The following SLC25A12 variants were observed in gnomAD, a reference collection of about 807,000 sequenced individuals.
The protein encoded by SLC25A12 is solute carrier family 25 member 12, also known as electrogenic aspartate/glutamate antiporter SLC25A12, mitochondrial.
A neutral mutation model predicts 83.3 loss-of-function variants in SLC25A12; 32 were observed. The observed-to-expected ratio is 0.38, with a 90% CI of 0.29 to 0.52. The LOEUF is 0.52. Among genes scored for constraint, SLC25A12 ranks in the 20% least tolerant of loss-of-function variants. SLC25A12 has a pLI of 0.84. For missense variants in SLC25A12, 611 were observed against 835.6 expected (o/e 0.73, Z 3.31); for synonymous variants, 267 against 291.1 (o/e 0.92, Z 0.84).
intron 8 of SLC25A12, among the ~76,000 whole-genome samples, chr2:171,828,068 G>A (rs1684349437): frequency 1.3e-5 from 2 of 152,224 alleles, no homozygotes; most frequent in Admixed American, 6.5e-5. Context: ...AGGTATCCAT[G>A]TGGAAGCACC....
At chr2:171,818,374 T>C (rs1200885972) in intron 9 of SLC25A12, among the ~76,000 whole-genome samples, 2 of 152,014 alleles carry the variant, frequency 1.3e-5, no homozygotes, top group Non-Finnish European at 2.9e-5. Context: ...CTTAAATGAT[T>C]TTTAACCTAC....
chr2:171,812,102 C>G (rs76711056), intron 11 of SLC25A12, among the ~76,000 whole-genome samples: 1 of 152,170 alleles, frequency 6.6e-6, no homozygotes, highest in East Asian at 1.9e-4. Flanking sequence ...GACTACAGTT[C>G]TGAATATTTG....
chr2:171,841,279 C>T lies in SLC25A12; in HGVS notation c.465+3090G>A, dbSNP rs557127123. 2.0e-5 allele frequency among the ~76,000 whole-genome samples: 3 copies of T among 152,226 alleles called. No individual in the cohort carries two copies. The South Asian group carries it at 6.2e-4, about 32-fold the overall frequency. ...ACTTTTAGTAGAGACAGGGTTTCACCATGTTGGCCAGGCTGATCTTGAACT... is the reference window on the plus strand; with the variant it reads ...ACTTTTAGTAGAGACAGGGTTTCACTATGTTGGCCAGGCTGATCTTGAACT... On this transcript the variant is annotated intron_variant, in intron 5 of 17. Coordinates refer to ENST00000422440, the MANE Select transcript of SLC25A12 (RefSeq NM_003705.5).
intron 2 of SLC25A12, among the ~76,000 whole-genome samples, chr2:171,884,190 C>CT (rs796117861): frequency 4.8e-4 from 65 of 134,640 alleles, no homozygotes; most frequent in Non-Finnish European, 4.7e-4. Context: ...AATCTGTGGG[C>CT]TTTTTTTTTT....
chr2:171,840,072 CT>C (rs1684639951), intron 5 of SLC25A12, among the ~76,000 whole-genome samples: 1 of 152,174 alleles, frequency 6.6e-6, no homozygotes, highest in Admixed American at 6.5e-5. Flanking sequence ...AAATTGAACA[CT>C]GAGACCTCCA....
At position 171,840,935 on chromosome 2, in the gene SLC25A12, T is replaced by C. The variant is rs1315159646; in HGVS notation, c.465+3434A>G. Among the ~76,000 whole-genome samples the C allele has an allele frequency of 2.6e-5, 4 of 152,212 alleles. No homozygotes were observed. In the East Asian group the frequency reaches 7.7e-4, roughly 29 times the overall value. ...AAAAGTTTCAAGATTAAATTAAGAATGAGAATGGCACTGTGGCAACACTGG... is the reference window on the plus strand; with the variant it reads ...AAAAGTTTCAAGATTAAATTAAGAACGAGAATGGCACTGTGGCAACACTGG... On this transcript the variant is annotated intron_variant, in intron 5 of 17. Coordinates refer to ENST00000422440, the MANE Select transcript of SLC25A12 (RefSeq NM_003705.5).
rs146218970 is a variant in SLC25A12 at position 171,887,282 on chromosome 2, A to G, written c.66+5923T>C. Among the ~76,000 whole-genome samples the G allele has an allele frequency of 3.4e-3, 518 of 152,304 alleles. 4 individuals are homozygous for G. The highest frequency in any genetic ancestry group is 0.015 in the South Asian group (74 of 4,828). ...CTAAAATAAGACAGGAAAAAAGCAC[A>G]TTTTCATAATTTTGTATGGGATACG... is the stretch of plus-strand genomic sequence containing the variant. On this transcript the variant is annotated intron_variant, in intron 2 of 17. Coordinates refer to ENST00000422440, the MANE Select transcript of SLC25A12 (RefSeq NM_003705.5).
rs1028256808 is a variant in SLC25A12, at chr2:171,834,480, G to C, written c.751+247C>G. 12 of 527,262 alleles carry C rather than the reference G, an allele frequency of 2.3e-5. No individual in the cohort carries two copies. The African/African-American group carries it at 2.3e-4, about 10-fold the overall frequency. 32.7% of individuals were successfully genotyped at this position (527,262 alleles called of 1,614,324 possible). Reference sequence around the variant, plus strand: ...AGTACAAACAAGCTGCTGCCACACTGCCACTGACCTGTTTGACAGATTGGG... The same window carrying C: ...AGTACAAACAAGCTGCTGCCACACTCCCACTGACCTGTTTGACAGATTGGG... On this transcript the variant is annotated intron_variant, in intron 7 of 17. Transcript: ENST00000422440.
intron 4 of SLC25A12, among the ~76,000 whole-genome samples, chr2:171,855,044 T>C (rs2105905116): frequency 6.6e-6 from 1 of 152,322 alleles, no homozygotes; most frequent in East Asian, 1.9e-4. Context: ...TATCTTGTGT[T>C]TTTTGCCACA....
chr2:171,847,906 A>G (rs1205666826), intron 4 of SLC25A12, among the ~76,000 whole-genome samples: 2 of 139,544 alleles, frequency 1.4e-5, no homozygotes, highest in Non-Finnish European at 3.3e-5. Flanking sequence ...TTGTCAGGAG[A>G]GCAGGTAACG....
In SLC25A12 at chr2:171,886,603, A is replaced by G. The variant is rs59833746; in HGVS notation, c.66+6602T>C. 4.5e-4 allele frequency among the ~76,000 whole-genome samples: 68 copies of G among 151,594 alleles called. No individual in the cohort carries two copies. The East Asian group carries it at 0.01, about 23-fold the overall frequency. On this transcript the variant is annotated intron_variant, in intron 2 of 17. Transcript: ENST00000422440. ...CGGCTCACTGCAACCTCAGCCTCCC[A>G]GGTTCACGCCATTCTCCTGCCTCAG...
intron 3 of SLC25A12, among the ~76,000 whole-genome samples, chr2:171,866,477 C>T (rs1190429462): frequency 1.4e-5 from 2 of 147,316 alleles, no homozygotes; most frequent in Non-Finnish European, 3.0e-5. Context: ...CCCCCACCTC[C>T]CTCCCGGACG....
rs537687271 is a variant in SLC25A12, at chr2:171,789,385, C to T, written c.1586-1438G>A. Reference sequence around the variant, plus strand: ...CTGGGACTACAGAAGCCCGCCACCACGCCCGGCTAATTTTTTGTATTTTTA... The same window carrying T: ...CTGGGACTACAGAAGCCCGCCACCATGCCCGGCTAATTTTTTGTATTTTTA... On this transcript the variant is annotated intron_variant, in intron 15 of 17. Coordinates refer to ENST00000422440, the MANE Select transcript of SLC25A12 (RefSeq NM_003705.5). Among the ~76,000 whole-genome samples, 45 of 151,838 alleles carry T rather than the reference C, an allele frequency of 3.0e-4. No individual in the cohort carries two copies. In the East Asian group the frequency reaches 5.2e-3, roughly 18 times the overall value.
At chr2:171,844,531 A>C in intron 4 of SLC25A12, 23 bp from the exon 5 acceptor site, 2 of 1,469,162 alleles carry the variant, frequency 1.4e-6, no homozygotes, top group South Asian at 1.1e-5. Context: ...AACAAAAATA[A>C]ATCAATTATA....
At chr2:171,804,861 C>T (rs1026990246) in intron 13 of SLC25A12, among the ~76,000 whole-genome samples, 10 of 152,194 alleles carry the variant, frequency 6.6e-5, no homozygotes, top group African/African-American at 1.7e-4. Context: ...GAGCCTTGAT[C>T]GCACCACTGC....
chr2:171,842,658 CAT>C (rs1046092058), intron 5 of SLC25A12, among the ~76,000 whole-genome samples: 1 of 151,972 alleles, frequency 6.6e-6, no homozygotes, highest in Non-Finnish European at 1.5e-5. Flanking sequence ...TAGGTAAATC[CAT>C]AGAGACAGAA....
chr2:171,865,076 C>T (rs1442238779), intron 3 of SLC25A12, among the ~76,000 whole-genome samples: 1 of 152,122 alleles, frequency 6.6e-6, no homozygotes, highest in African/African-American at 2.4e-5. Flanking sequence ...TACCATAATT[C>T]ACTTTTTTAT....
At chr2:171,860,756 A>G (rs993446248) in intron 3 of SLC25A12, among the ~76,000 whole-genome samples, 1 of 152,030 alleles carries the variant, frequency 6.6e-6, no homozygotes, top group African/African-American at 2.4e-5. Context: ...GGATGGATGG[A>G]TATATGAAAA....
chr2:171,792,516 C>G (rs953784316), intron 14 of SLC25A12, among the ~76,000 whole-genome samples: 1 of 147,940 alleles, frequency 6.8e-6, no homozygotes, highest in East Asian at 2.0e-4. Flanking sequence ...CCTGGCTGGT[C>G]TTGAACTCCT....
Sources: gnomAD v4.1 joint callset for allele counts (sites outside exome capture counted in the v4.1 genomes callset) on GRCh38, gnomAD v4.1.1 for gene constraint, MANE v1.5 for transcripts, NCBI Gene and HGNC (gene_info 2026-07-23, HGNC 2026-07-21) for gene names.